The following NTRK2 variants were observed in gnomAD, a reference collection of about 807,000 sequenced individuals.
NTRK2 encodes the protein BDNF/NT-3 growth factors receptor.
In NTRK2, 13 loss-of-function variants were observed where a neutral mutation model predicts 94.5. That is an observed-to-expected ratio of 0.14 (90% CI 0.09 to 0.22). The LOEUF (loss-of-function observed/expected upper bound fraction) is 0.22. Ranked by LOEUF, NTRK2 falls within the 10% of genes least tolerant of loss-of-function variation. The pLI is 1.00. For missense variants in NTRK2, 639 were observed against 1,071.2 expected (o/e 0.60, Z 5.63); for synonymous variants, 372 against 407.4 (o/e 0.91, Z 1.05).
chr9:84,736,819 C>CCACTGCTA (rs1396449740), intron 9 of NTRK2, among the ~76,000 whole-genome samples: 1 of 152,106 alleles, frequency 6.6e-6, no homozygotes, highest in African/African-American at 2.4e-5. Context: ...GTGGAGACTC[C>CCACTGCTA]CACTGCTATA....
intron 17 of NTRK2, among the ~76,000 whole-genome samples, chr9:84,982,097 A>G (rs1221510109): frequency 6.6e-6 from 1 of 152,160 alleles, no homozygotes; most frequent in Non-Finnish European, 1.5e-5. Context: ...TTTCCTTTTT[A>G]TTGGGTAGAA....
chr9:84,859,391 T>G (rs935649196), intron 12 of NTRK2, among the ~76,000 whole-genome samples: 1 of 152,236 alleles, frequency 6.6e-6, no homozygotes, highest in African/African-American at 2.4e-5. Context: ...GTTGTAGCAA[T>G]TTGATAACCT....
chr9:84,856,266 GCT>G (rs1012086167), intron 12 of NTRK2, among the ~76,000 whole-genome samples: 4 of 152,092 alleles, frequency 2.6e-5, no homozygotes, highest in Admixed American at 6.6e-5. Flanking sequence ...CTCAAAGCAA[GCT>G]CTCTTCCTAC....
chr9:84,963,323 C>T (rs1437956118), intron 17 of NTRK2, among the ~76,000 whole-genome samples: 1 of 152,136 alleles, frequency 6.6e-6, no homozygotes, highest in African/African-American at 2.4e-5. Flanking sequence ...AATTCTGTTA[C>T]AGAGAAAAAG....
At chr9:84,878,293 T>A (rs900381506) in intron 14 of NTRK2, among the ~76,000 whole-genome samples, 3 of 152,048 alleles carry the variant, frequency 2.0e-5, no homozygotes, top group Admixed American at 6.5e-5. Flanking sequence ...GTAAGGTGAG[T>A]GAGCTTAGTC....
chr9:84,966,567 G>A (rs1402235967), intron 17 of NTRK2, among the ~76,000 whole-genome samples: 1 of 152,148 alleles, frequency 6.6e-6, no homozygotes, highest in African/African-American at 2.4e-5. Context: ...GAGCAGCTGG[G>A]ATTACAGGCA....
intron 8 of NTRK2, among the ~76,000 whole-genome samples, chr9:84,725,329 C>T (rs987703498): frequency 1.2e-4 from 19 of 152,254 alleles, no homozygotes; most frequent in Middle Eastern, 3.4e-3. Flanking sequence ...ATCACTATGC[C>T]CAGTGGGTAC....
chr9:84,939,288 C>T (rs2078324263), intron 15 of NTRK2, among the ~76,000 whole-genome samples: 1 of 152,068 alleles, frequency 6.6e-6, no homozygotes, highest in Admixed American at 6.5e-5. Context: ...CTTAACTCCA[C>T]CATTTTGCCA....
At chr9:84,912,922 G>T (rs1310390518) in intron 14 of NTRK2, among the ~76,000 whole-genome samples, 2 of 151,958 alleles carry the variant, frequency 1.3e-5, no homozygotes, top group African/African-American at 4.8e-5. Flanking sequence ...GGCCTAACCT[G>T]CCTTATTTTT....
In NTRK2 at chr9:85,027,008, T is replaced by C. The variant is rs1364641023; in HGVS notation, c.*5571T>C. The C allele has an allele frequency of 4.3e-6, 1 of 232,000 alleles. No homozygotes were observed. The allele number at this position is 232,000 out of a possible 1,614,324, so 14.4% of individuals were successfully genotyped here. On this transcript the variant is annotated 3_prime_UTR_variant, in exon 19 of 19. Coordinates refer to ENST00000277120, the MANE Select transcript of NTRK2 (RefSeq NM_006180.6). ...ACATGGAAAGTCTCTTGTACTACAG[T>C]GTATTTAATAAAAATGATGTCTTAC... is the stretch of plus-strand genomic sequence containing the variant.
chr9:84,983,122 G>A lies in NTRK2; in HGVS notation c.2172+27605G>A, dbSNP rs147994140. Among the ~76,000 whole-genome samples the A allele has an allele frequency of 1.3e-3, 203 of 152,210 alleles. 1 individual carries two copies. Among genetic ancestry groups the A allele is most frequent in the African/African-American group, 4.7e-3 (195 of 41,512 alleles). ...GAAAAACGGCCCCTTCAGCATCCTC[G>A]GTTCTAGTCTTAAAAATTACTACTA... On this transcript the variant is annotated intron_variant, in intron 17 of 18. Transcript: ENST00000277120.
chr9:84,845,250 T>TACACACACAC (rs58910921), intron 12 of NTRK2, among the ~76,000 whole-genome samples: 2,067 of 147,980 alleles, frequency 0.014, 36 homozygotes, highest in African/African-American at 0.04. Flanking sequence ...ATGTGGTGTA[T>TACACACACAC]ACACACACAC....
chr9:84,994,730 A>G (rs1588140430), intron 17 of NTRK2, among the ~76,000 whole-genome samples: 3 of 152,316 alleles, frequency 2.0e-5, no homozygotes, highest in African/African-American at 7.2e-5. Flanking sequence ...TGAAATCAGA[A>G]TGGTCATGTA....
intron 9 of NTRK2, among the ~76,000 whole-genome samples, chr9:84,730,356 G>A (rs892079436): frequency 3.3e-5 from 5 of 152,150 alleles, no homozygotes; most frequent in Admixed American, 3.3e-4. Context: ...AAATAGAATC[G>A]TTGTGGGTAT....
chr9:84,804,548 T>G (rs1000969929), intron 12 of NTRK2, among the ~76,000 whole-genome samples: 1 of 152,242 alleles, frequency 6.6e-6, no homozygotes, highest in African/African-American at 2.4e-5. Flanking sequence ...ATAGGTTGAA[T>G]TGGGTAATGG....
At chr9:84,822,148 A>G (rs2072889509) in intron 12 of NTRK2, among the ~76,000 whole-genome samples, 1 of 152,134 alleles carries the variant, frequency 6.6e-6, no homozygotes, top group Non-Finnish European at 1.5e-5. Context: ...GTCTTTTTCT[A>G]GTGGTGTGAA....
chr9:84,737,467 G>T (rs143725426), intron 9 of NTRK2, among the ~76,000 whole-genome samples: 122 of 152,272 alleles, frequency 8.0e-4, no homozygotes, highest in Admixed American at 2.9e-3. Context: ...ATGGTGCAGT[G>T]CTTGGGTTTG....
chr9:85,016,966 T>C (rs1832302903), intron 17 of NTRK2, among the ~76,000 whole-genome samples: 2 of 152,224 alleles, frequency 1.3e-5, no homozygotes. Context: ...CGTGAATCTT[T>C]TGTTCTCTCT....
intron 12 of NTRK2, among the ~76,000 whole-genome samples, chr9:84,763,979 G>A (rs1285367763): frequency 1.3e-5 from 2 of 152,006 alleles, no homozygotes; most frequent in African/African-American, 4.8e-5. Context: ...GTTTTCTTTG[G>A]TATTCTTCAA....
Sources: allele counts gnomAD v4.1 joint callset (sites outside exome capture counted in the v4.1 genomes callset), GRCh38; gene constraint gnomAD v4.1.1; transcripts MANE v1.5; gene names NCBI Gene and HGNC (gene_info 2026-07-23, HGNC 2026-07-21).